ZCWPW1: variants seen among roughly 807,000 people sequenced by gnomAD.
ZCWPW1 encodes zinc finger CW-type and PWWP domain containing 1, also known as zinc finger CW-type PWWP domain protein 1.
ZCWPW1 carries 56 observed loss-of-function variants against 81.3 expected under a neutral mutation model. The ratio of observed to expected loss-of-function variants is 0.69; its 90% CI spans 0.56 to 0.86. ZCWPW1 has a LOEUF of 0.86. Ranked by LOEUF, ZCWPW1 falls within the 40% of genes least tolerant of loss-of-function variation. The probability of loss-of-function intolerance (pLI) is 0.00; values close to 1 mark genes in which losing one functional copy is unlikely to be tolerated. For missense variants in ZCWPW1, 650 were observed against 769.8 expected (o/e 0.84, Z 1.84); for synonymous variants, 250 against 273.7 (o/e 0.91, Z 0.86).
intron 10 of ZCWPW1, among the ~76,000 whole-genome samples, chr7:100,408,212 A>C (rs919480846): frequency 1.1e-4 from 16 of 152,084 alleles, no homozygotes; most frequent in Non-Finnish European, 2.4e-4. Context: ...TGGCCTCCCA[A>C]AGTGCTGGGA....
At chr7:100,419,226 C>T (rs1451157226) in intron 4 of ZCWPW1, 37 bp from the exon 5 acceptor site, 1 of 1,573,042 alleles carries the variant, frequency 6.4e-7, no homozygotes, top group Non-Finnish European at 8.7e-7. Flanking sequence ...AACCACTTAT[C>T]TTTCCATAGT....
chr7:100,424,396 T>C (rs558585943), intron 2 of ZCWPW1, among the ~76,000 whole-genome samples: 9 of 152,170 alleles, frequency 5.9e-5, no homozygotes, highest in Non-Finnish European at 1.3e-4. Context: ...AAGCTTTTGG[T>C]GGACTCCCTC....
chr7:100,405,006 C>A lies in ZCWPW1; in HGVS notation c.1254+7G>T. On this transcript the variant is annotated splice_region_variant and intron_variant, in intron 13 of 17. Transcript: ENST00000684423. ...AAGGAATGGGTGTGGTCTGAACACC[C>A]TCCCACCTGAATGCTGATCTGTTCT... 6.2e-7 allele frequency: 1 copy of A among 1,612,810 alleles called. No homozygotes were observed. The highest frequency in any genetic ancestry group is 1.1e-5 in the South Asian group (1 of 91,042).
intron 7 of ZCWPW1, 21 bp downstream of exon 7, chr7:100,416,284 A>G: frequency 6.2e-7 from 1 of 1,611,178 alleles, no homozygotes; most frequent in Non-Finnish European, 8.5e-7. Context: ...CAGGCTTCAA[A>G]GTATATCTGA....
chr7:100,419,104 G>A lies in ZCWPW1; in HGVS notation c.361+7C>T. ...TGAAACCCTTTTTCTCTTACTACAT[G>A]CCATACCCAAGCACTCCTGAAGGGA... On this transcript the variant is annotated splice_region_variant and intron_variant, in intron 5 of 17. Transcript: ENST00000684423. The A allele has an allele frequency of 1.2e-6, 2 of 1,611,726 alleles. No homozygotes were observed. Among genetic ancestry groups the A allele is most frequent in the Non-Finnish European group, 1.7e-6 (2 of 1,178,578 alleles).
At chr7:100,410,091 C>G (rs570797834) in intron 8 of ZCWPW1, among the ~76,000 whole-genome samples, 1 of 152,222 alleles carries the variant, frequency 6.6e-6, no homozygotes, top group African/African-American at 2.4e-5. Flanking sequence ...CTAAGCCTAT[C>G]ACTTCTCCAT....
chr7:100,416,384 A>G lies in ZCWPW1; in HGVS notation c.552T>C (p.Ser184=). 1 of 1,614,174 alleles carries G rather than the reference A, an allele frequency of 6.2e-7. No individual in the cohort carries two copies. The highest frequency in any genetic ancestry group is 8.5e-7 in the Non-Finnish European group (1 of 1,180,036). Residue 184 remains serine, a synonymous_variant, in exon 7 of 18, where the codon TCT becomes TCC. Transcript: ENST00000684423. Reference sequence around the variant, plus strand: ...GTGCAGGATCTGGCTGGCCTAACTTAGATGTCCTTATCTCAGGGGCAGCTT... The same window carrying G: ...GTGCAGGATCTGGCTGGCCTAACTTGGATGTCCTTATCTCAGGGGCAGCTT... ...EGEAAPEIRT[S]KLGQPDPAPS...
At position 100,402,570 on chromosome 7, in the gene ZCWPW1, T is replaced by C. The variant is rs1462109650; in HGVS notation, c.1420A>G (p.Ile474Val). Reference sequence around the variant, plus strand: ...TTGACTCGCTTACGAATGGGCAAAATTGGGTCCTGAGGATGGGAGAGAAAG... The same window carrying C: ...TTGACTCGCTTACGAATGGGCAAAACTGGGTCCTGAGGATGGGAGAGAAAG... The part of the protein sequence containing the change: ...EKEEGEKTDP[I>V]LPIRKRVKIQ... Residue 474 changes from isoleucine to valine, a missense_variant, in exon 16 of 18, where the codon ATT (isoleucine) becomes GTT (valine). Ile to Val is a conservative substitution (Grantham distance 29). Transcript: ENST00000684423. 6 of 1,614,104 alleles carry C rather than the reference T, an allele frequency of 3.7e-6. No individual in the cohort carries two copies. The highest frequency in any genetic ancestry group is 1.6e-4 in the Middle Eastern group (1 of 6,062).
chr7:100,415,740 TC>T (rs1795098061), intron 8 of ZCWPW1, among the ~76,000 whole-genome samples: 1 of 152,236 alleles, frequency 6.6e-6, no homozygotes, highest in African/African-American at 2.4e-5. Flanking sequence ...ATCTTCATTT[TC>T]TTCCTGGGAA....
intron 8 of ZCWPW1, among the ~76,000 whole-genome samples, chr7:100,413,114 C>CT (rs1794553791): frequency 6.6e-6 from 1 of 152,196 alleles, no homozygotes; most frequent in African/African-American, 2.4e-5. Flanking sequence ...GTCTATTCTT[C>CT]TTTTCTCCCC....
At chr7:100,420,439 T>C (rs758851835) in intron 3 of ZCWPW1, among the ~76,000 whole-genome samples, 183 bp downstream of exon 3, 1 of 152,234 alleles carries the variant, frequency 6.6e-6, no homozygotes, top group Non-Finnish European at 1.5e-5. Context: ...TGAGTTTATA[T>C]GTTCCTCGAG....
chr7:100,401,503 C>T (rs1791878162), intron 17 of ZCWPW1, among the ~76,000 whole-genome samples, 167 bp from the exon 18 acceptor site: 1 of 152,234 alleles, frequency 6.6e-6, no homozygotes, highest in Non-Finnish European at 1.5e-5. Flanking sequence ...AAGCCGTCTG[C>T]CCTATGCTAG....
At position 100,419,557 on chromosome 7, in the gene ZCWPW1, CTGTT is replaced by C. The variant is rs1584279783; in HGVS notation, c.282+69_282+72del. 41 of 1,523,660 alleles carry C rather than the reference CTGTT, an allele frequency of 2.7e-5. 1 individual carries two copies. In the South Asian group the frequency reaches 3.1e-4, roughly 12 times the overall value. 94.4% of individuals were successfully genotyped at this position (1,523,660 alleles called of 1,614,324 possible). A position where few individuals can be genotyped will look rare whatever the true frequency, so the allele number is the denominator to read the frequency against. ...TGAATTTCCCCAGTGTGAAAAGACTCTGTTTGTCTAGCCTGAGCCAGGGGTAAGG... is the reference window on the plus strand; with the variant it reads ...TGAATTTCCCCAGTGTGAAAAGACTCTGTCTAGCCTGAGCCAGGGGTAAGG... On this transcript the variant is annotated intron_variant, in intron 4 of 17. Coordinates refer to ENST00000684423, the MANE Select transcript of ZCWPW1 (RefSeq NM_001386010.1).
chr7:100,424,794 C>A (rs761399125), intron 2 of ZCWPW1, among the ~76,000 whole-genome samples: 32 of 152,058 alleles, frequency 2.1e-4, no homozygotes, highest in Non-Finnish European at 3.4e-4. Flanking sequence ...GAGAGTATTT[C>A]GACCAACCTA....
chr7:100,428,263 C>A (rs971290576), intron 1 of ZCWPW1, among the ~76,000 whole-genome samples: 6 of 152,304 alleles, frequency 3.9e-5, no homozygotes, highest in South Asian at 4.2e-4. Context: ...AGAAAAGGCA[C>A]GAGGACGCCC....
In ZCWPW1 at chr7:100,402,061, G is replaced by T; in HGVS notation, c.1475-20C>A. 1.3e-6 allele frequency: 2 copies of T among 1,590,424 alleles called. No homozygotes were observed. Among genetic ancestry groups the T allele is most frequent in the Non-Finnish European group, 8.6e-7 (1 of 1,167,566 alleles). ...CAAGCCCTAGCCGTGAGGGAAATGC[G>T]TTTATTTCTCTCTAAACGACAACTC... On this transcript the variant is annotated intron_variant, in intron 16 of 17. Coordinates refer to ENST00000684423, the MANE Select transcript of ZCWPW1 (RefSeq NM_001386010.1).
intron 2 of ZCWPW1, among the ~76,000 whole-genome samples, chr7:100,424,141 A>G (rs989208647): frequency 6.6e-6 from 1 of 152,120 alleles, no homozygotes; most frequent in Non-Finnish European, 1.5e-5. Flanking sequence ...ACAAATGACA[A>G]ATATATCTTT....
At chr7:100,425,892 GA>G (rs1371583316) in intron 1 of ZCWPW1, among the ~76,000 whole-genome samples, 2 of 152,138 alleles carry the variant, frequency 1.3e-5, no homozygotes, top group Non-Finnish European at 2.9e-5. Context: ...AGTATCAACA[GA>G]TACAAACCAA....
intron 2 of ZCWPW1, among the ~76,000 whole-genome samples, chr7:100,424,352 TG>T (rs932089344): frequency 5.3e-5 from 8 of 152,324 alleles, no homozygotes; most frequent in Middle Eastern, 3.4e-3. Context: ...AAAATGCCTC[TG>T]GGGAGTAGAA....
Sources: gnomAD v4.1 joint callset for allele counts (sites outside exome capture counted in the v4.1 genomes callset) on GRCh38, gnomAD v4.1.1 for gene constraint, MANE v1.5 for transcripts, NCBI Gene and HGNC (gene_info 2026-07-23, HGNC 2026-07-21) for gene names.